Variants in MFAP3 observed in about 807,000 individuals in gnomAD.
MFAP3 encodes microfibril associated protein 3, also known as microfibril-associated glycoprotein 3.
Under a neutral mutation model 20.5 loss-of-function variants are expected in MFAP3, and 8 were observed. The observed-to-expected ratio is 0.39, with a 90% CI of 0.23 to 0.70. The LOEUF (loss-of-function observed/expected upper bound fraction) is 0.70, where lower values mean the gene tolerates loss of function less well. MFAP3 is among the 30% of genes least tolerant of loss of function. The probability of loss-of-function intolerance (pLI) is 0.44; values close to 1 mark genes in which losing one functional copy is unlikely to be tolerated. For synonymous variants in MFAP3, 140 were observed against 154.0 expected (o/e 0.91, Z 0.67); for missense variants, 398 against 444.6 (o/e 0.90, Z 0.94).
At position 154,040,127 on chromosome 5, in the gene MFAP3, T is replaced by A. The variant is rs186265796; in HGVS notation, c.-167+1116T>A. Among the ~76,000 whole-genome samples the A allele has an allele frequency of 9.3e-4, 142 of 152,320 alleles. 4 individuals carry two copies. The East Asian group carries it at 0.027, about 29-fold the overall frequency. ...CTTATTTTTTAAATGCTGCTGATAA[T>A]TATAGCAGCAGTTCTCAAACTTTTT... On this transcript the variant is annotated intron_variant, in intron 1 of 2. Coordinates refer to ENST00000522782, the MANE Select transcript of MFAP3 (RefSeq NM_005927.5).
Position 154,053,316 on chromosome 5 carries a change from A to G in MFAP3, c.692A>G (p.Tyr231Cys). 1 of 1,614,078 alleles carries G rather than the reference A, an allele frequency of 6.2e-7. No individual in the cohort carries two copies. ...TTTAAGACCATGGAGTTTGCTCGTT[A>G]TATTGAAGAACTGGCAAGAAGTGTC... ...TQFKTMEFAR[Y>C]IEELARSVPL... is the part of the protein sequence containing the mutation. The change falls in exon 3 of 3, where the codon TAT (tyrosine) becomes TGT (cysteine). Residue 231 changes from tyrosine (Y) to cysteine (C), a missense_variant. Transcript: ENST00000522782.
intron 1 of MFAP3, among the ~76,000 whole-genome samples, chr5:154,042,881 A>G (rs1772988607): frequency 6.6e-6 from 1 of 151,994 alleles, no homozygotes. Flanking sequence ...CCTGCTTTGC[A>G]TTTTCCCAGA....
rs1773354524 is a variant in MFAP3 at position 154,057,302 on chromosome 5, GTAAA to G, written c.*3593_*3596del. ...ATTTTCACTAACGCATTTCACAAAA[GTAAA>G]TAAGTATTTCATATAATTCAGAGGA... On this transcript the variant is annotated 3_prime_UTR_variant, in exon 3 of 3. Coordinates refer to ENST00000522782, the MANE Select transcript of MFAP3 (RefSeq NM_005927.5). 6.6e-6 allele frequency among the ~76,000 whole-genome samples: 1 copy of G among 152,150 alleles called. No homozygotes were observed. Among genetic ancestry groups the G allele is most frequent in the Non-Finnish European group, 1.5e-5 (1 of 68,030 alleles).
In MFAP3 at chr5:154,047,286, A is replaced by G. The variant is rs530101215; in HGVS notation, c.-166-2271A>G. Among the ~76,000 whole-genome samples the G allele has an allele frequency of 6.6e-5, 10 of 152,190 alleles. No homozygotes were observed. The East Asian group carries it at 1.7e-3, about 26-fold the overall frequency. On this transcript the variant is annotated intron_variant, in intron 1 of 2. Coordinates refer to ENST00000522782, the MANE Select transcript of MFAP3 (RefSeq NM_005927.5). The stretch of plus-strand genomic sequence containing the variant: ...GTAACATTGAGTTTATTTTGTATAT[A>G]TGTAGTTAGTGTCCATCATCTGCCA...
chr5:154,050,902 C>T (rs529521794), intron 2 of MFAP3, among the ~76,000 whole-genome samples: 2 of 152,102 alleles, frequency 1.3e-5, no homozygotes, highest in South Asian at 2.1e-4. Flanking sequence ...AGCTTAAATT[C>T]TAAGATCCTC....
chr5:154,053,726 T>C lies in MFAP3; in HGVS notation c.*13T>C, dbSNP rs1773263128. On this transcript the variant is annotated 3_prime_UTR_variant, in exon 3 of 3. Transcript: ENST00000522782. ...CTGTCAGCTGTAACCTACAATGCTG[T>C]AACCCAGTACCTACAAAATCAGCTC... is the stretch of plus-strand genomic sequence containing the variant. 4.4e-6 allele frequency: 7 copies of C among 1,593,430 alleles called. No homozygotes were observed. The highest frequency in any genetic ancestry group is 1.3e-5 in the African/African-American group (1 of 74,372).
At chr5:154,049,378 T>G (rs945246518) in intron 1 of MFAP3, among the ~76,000 whole-genome samples, 179 bp from the exon 2 acceptor site, 3 of 152,212 alleles carry the variant, frequency 2.0e-5, no homozygotes, top group South Asian at 2.1e-4. Context: ...GTCTGCTATT[T>G]ACCAATTCAT....
chr5:154,045,210 C>T (rs1354439735), intron 1 of MFAP3, among the ~76,000 whole-genome samples: 1 of 152,102 alleles, frequency 6.6e-6, no homozygotes, highest in African/African-American at 2.4e-5. Flanking sequence ...TATTAGCTTA[C>T]TTTGCCAATA....
In MFAP3 at chr5:154,055,022, CTT is replaced by C. The variant is rs1669586188; in HGVS notation, c.*1310_*1311del. 1 of 166,688 alleles carries C rather than the reference CTT, an allele frequency of 6.0e-6. No individual in the cohort carries two copies. The highest frequency in any genetic ancestry group is 1.5e-5 in the Non-Finnish European group (1 of 68,104). 10.3% of individuals were successfully genotyped at this position (166,688 alleles called of 1,614,324 possible). On this transcript the variant is annotated 3_prime_UTR_variant, in exon 3 of 3. Transcript: ENST00000522782. The stretch of plus-strand genomic sequence containing the variant: ...CTGCTTCAACTGTATATAATAAACA[CTT>C]ATGATGACATTTCTTGCCTGGCTGA...
In MFAP3 at chr5:154,049,669, G is replaced by C. The variant is rs1305017624; in HGVS notation, c.-54G>C. ...AATTACCCGCTGTGCTTTTGTTGTAGTGTAGAAGTTTTTGAGTTCTCCAAA... is the reference window on the plus strand; with the variant it reads ...AATTACCCGCTGTGCTTTTGTTGTACTGTAGAAGTTTTTGAGTTCTCCAAA... On this transcript the variant is annotated 5_prime_UTR_variant, in exon 2 of 3. Coordinates refer to ENST00000522782, the MANE Select transcript of MFAP3 (RefSeq NM_005927.5). 11 of 1,539,376 alleles carry C rather than the reference G, an allele frequency of 7.1e-6. No homozygotes were observed. Among genetic ancestry groups the C allele is most frequent in the Non-Finnish European group, 1.8e-6 (2 of 1,131,076 alleles).
intron 1 of MFAP3, among the ~76,000 whole-genome samples, chr5:154,046,705 C>T (rs768259556): frequency 6.6e-6 from 1 of 152,166 alleles, no homozygotes; most frequent in Non-Finnish European, 1.5e-5. Context: ...ACTCATTGCC[C>T]TGCAGCCCTC....
chr5:154,054,140 T>A lies in MFAP3; in HGVS notation c.*427T>A, dbSNP rs2113569872. The A allele has an allele frequency of 5.8e-6, 1 of 171,494 alleles. No homozygotes were observed. Among genetic ancestry groups the A allele is most frequent in the Admixed American group, 6.2e-5 (1 of 16,082 alleles). 10.6% of individuals were successfully genotyped at this position (171,494 alleles called of 1,614,324 possible). A position where few individuals can be genotyped will look rare whatever the true frequency, so the allele number is the denominator to read the frequency against. ...CTATAGCTTCTTAACCCATCACCTT[T>A]AAATTACCAGAATCTTCACTCATCT... is the stretch of plus-strand genomic sequence containing the variant. On this transcript the variant is annotated 3_prime_UTR_variant, in exon 3 of 3. Coordinates refer to ENST00000522782, the MANE Select transcript of MFAP3 (RefSeq NM_005927.5).
In MFAP3 at chr5:154,052,654, T is replaced by C. The variant is rs151311102; in HGVS notation, c.296-266T>C. On this transcript the variant is annotated intron_variant, in intron 2 of 2. Coordinates refer to ENST00000522782, the MANE Select transcript of MFAP3 (RefSeq NM_005927.5). ...CATACCTGTTTCACAGAAAGGCTTT[T>C]GAAGTCTAGCAGTGAAAAGGAAGCT... 3.4e-3 allele frequency among the ~76,000 whole-genome samples: 518 copies of C among 152,332 alleles called. 7 individuals are homozygous for C. The highest frequency in any genetic ancestry group is 0.012 in the African/African-American group (491 of 41,576).
At position 154,045,870 on chromosome 5, in the gene MFAP3, T is replaced by C. The variant is rs986485601; in HGVS notation, c.-166-3687T>C. 4.0e-4 allele frequency among the ~76,000 whole-genome samples: 61 copies of C among 152,332 alleles called. 1 individual carries two copies. Among genetic ancestry groups the C allele is most frequent in the African/African-American group, 1.4e-3 (60 of 41,560 alleles). The stretch of plus-strand genomic sequence containing the variant: ...TAAATCTAGAATGGAATGTGAGTGA[T>C]TATATCTCTCATTGGAAATATTCAA... On this transcript the variant is annotated intron_variant, in intron 1 of 2. Transcript: ENST00000522782.
At chr5:154,050,674 T>C (rs1773169839) in intron 2 of MFAP3, among the ~76,000 whole-genome samples, 1 of 151,204 alleles carries the variant, frequency 6.6e-6, no homozygotes, top group Non-Finnish European at 1.5e-5. Context: ...AAATTTTTTT[T>C]TGCATTTTTT....
intron 1 of MFAP3, among the ~76,000 whole-genome samples, chr5:154,043,727 A>AATATATATAT (rs367632606): frequency 8.7e-6 from 1 of 114,716 alleles, no homozygotes; most frequent in Non-Finnish European, 1.9e-5. Context: ...CAGCAGGCAT[A>AATATATATAT]ATATATATAT....
At chr5:154,039,947 G>C (rs1181445125) in intron 1 of MFAP3, among the ~76,000 whole-genome samples, 1 of 151,934 alleles carries the variant, frequency 6.6e-6, no homozygotes, top group African/African-American at 2.4e-5. Flanking sequence ...TCTAAATTTA[G>C]GTTCATCAAT....
In MFAP3 at chr5:154,055,384, T is replaced by A. The variant is rs1179677144; in HGVS notation, c.*1671T>A. On this transcript the variant is annotated 3_prime_UTR_variant, in exon 3 of 3. Transcript: ENST00000522782. ...AGCATGAATGAATCAATGTGCAGTT[T>A]TATCAGATGGCATCATGGATAAAGA... Among the ~76,000 whole-genome samples, 1 of 152,178 alleles carries A rather than the reference T, an allele frequency of 6.6e-6. No individual in the cohort carries two copies. Among genetic ancestry groups the A allele is most frequent in the Non-Finnish European group, 1.5e-5 (1 of 68,022 alleles).
At chr5:154,048,754 G>C (rs1040275233) in intron 1 of MFAP3, among the ~76,000 whole-genome samples, 6 of 152,054 alleles carry the variant, frequency 3.9e-5, no homozygotes, top group African/African-American at 1.4e-4. Context: ...TTTTATATTT[G>C]CATTTCTACT....
Sources: allele counts gnomAD v4.1 joint callset (sites outside exome capture counted in the v4.1 genomes callset), GRCh38; gene constraint gnomAD v4.1.1; transcripts MANE v1.5; gene names NCBI Gene and HGNC (gene_info 2026-07-23, HGNC 2026-07-21).